The following ARL6IP5 variants were observed in gnomAD, a reference collection of about 807,000 sequenced individuals.
ARL6IP5 encodes the protein ARF like GTPase 6 interacting protein 5, also known as PRA1 family protein 3.
A neutral mutation model predicts 13.0 loss-of-function variants in ARL6IP5; 6 were observed. The ratio of observed to expected loss-of-function variants is 0.46; its 90% CI spans 0.25 to 0.91. The LOEUF (loss-of-function observed/expected upper bound fraction) is 0.91. ARL6IP5 is among the 40% of genes least tolerant of loss of function. ARL6IP5 has a pLI of 0.17. For synonymous variants in ARL6IP5, 91 were observed against 91.9 expected (o/e 0.99, Z 0.06); for missense variants, 208 against 248.8 (o/e 0.84, Z 1.10).
intron 1 of ARL6IP5, among the ~76,000 whole-genome samples, chr3:69,086,722 CTTTTTTTT>C (rs1207661746): frequency 3.0e-5 from 4 of 132,446 alleles, no homozygotes; most frequent in Non-Finnish European, 6.5e-5. Flanking sequence ...TAAAAAATTT[CTTTTTTTT>C]TTTTTTTTTT....
At chr3:69,102,416 C>A (rs560960608) in intron 2 of ARL6IP5, among the ~76,000 whole-genome samples, 1 of 152,246 alleles carries the variant, frequency 6.6e-6, no homozygotes, top group Non-Finnish European at 1.5e-5. Flanking sequence ...CAGGTGCACA[C>A]CCAGCTAATT....
Position 69,104,503 on chromosome 3 carries a change from A to G in ARL6IP5, c.434A>G (p.Lys145Arg). The G allele has an allele frequency of 6.2e-7, 1 of 1,614,070 alleles. No individual in the cohort carries two copies. Among genetic ancestry groups the G allele is most frequent in the Non-Finnish European group, 8.5e-7 (1 of 1,179,940 alleles). The change falls in exon 3 of 3, where the codon AAG becomes AGG. Residue 145 changes from lysine to arginine, a missense_variant. By Grantham distance (26) the Lys-to-Arg change is conservative. Coordinates refer to ENST00000273258, the MANE Select transcript of ARL6IP5 (RefSeq NM_006407.4). ...GCATCGTTGAGACTTCGGAACCTCAAGAACAAACTGGAGAATAAAATGGAA... is the reference window on the plus strand; with the variant it reads ...GCATCGTTGAGACTTCGGAACCTCAGGAACAAACTGGAGAATAAAATGGAA... ...IHASLRLRNLKNKLENKMEGI... is the reference protein window; with the variant it reads ...IHASLRLRNLRNKLENKMEGI...
In ARL6IP5 at chr3:69,101,850, C is replaced by G. The variant is rs1351979718; in HGVS notation, c.188C>G (p.Pro63Arg). ...TCCTCATATTTCAGGTTTCTGAGTC[C>G]CTTCAACATGATCCTGGGAGGAATC... Reference protein sequence around the residue: ...MMISIVGFLSPFNMILGGIVV... With the variant: ...MMISIVGFLSRFNMILGGIVV... The change falls in exon 2 of 3, where the codon CCC becomes CGC. Residue 63 changes from proline (P) to arginine (R), a missense_variant. Transcript: ENST00000273258. The G allele has an allele frequency of 6.2e-7, 1 of 1,613,196 alleles. No homozygotes were observed.
rs138628240 is a variant in ARL6IP5, at chr3:69,092,431, G to A, written c.176+7208G>A. Among the ~76,000 whole-genome samples the A allele has an allele frequency of 3.3e-5, 5 of 152,248 alleles. No individual in the cohort carries two copies. In the East Asian group the frequency reaches 9.6e-4, roughly 29 times the overall value. ...GTCCAGCCCCTGTCTTCTCTCCACA[G>A]CTCTGTAAGAATTTGCCATGTGACA... On this transcript the variant is annotated intron_variant, in intron 1 of 2. Transcript: ENST00000273258.
At chr3:69,095,644 G>A (rs914024148) in intron 1 of ARL6IP5, among the ~76,000 whole-genome samples, 4 of 151,920 alleles carry the variant, frequency 2.6e-5, no homozygotes, top group African/African-American at 9.7e-5. Context: ...ACAGGCATGC[G>A]CCACCACGCC....
At position 69,087,479 on chromosome 3, in the gene ARL6IP5, T is replaced by TA. The variant is rs770055656; in HGVS notation, c.176+2270dup. ...GCAAAGTTTGACACAGACCAATAAT[T>TA]AAAAAAAAAAAAAAGTCTATTTTCT... On this transcript the variant is annotated intron_variant, in intron 1 of 2. Transcript: ENST00000273258. Among the ~76,000 whole-genome samples the TA allele has an allele frequency of 8.9e-3, 1,261 of 141,462 alleles. 7 individuals are homozygous for TA. Among genetic ancestry groups the TA allele is most frequent in the African/African-American group, 0.014 (554 of 38,736 alleles). The allele number at this position is 141,462 out of a possible 152,430, so 92.8% of individuals were successfully genotyped here.
intron 2 of ARL6IP5, among the ~76,000 whole-genome samples, chr3:69,103,508 G>A (rs909031277): frequency 6.6e-6 from 1 of 152,220 alleles, no homozygotes; most frequent in South Asian, 2.1e-4. Context: ...TGGGTCAACA[G>A]TGGTACCCAA....
At position 69,099,129 on chromosome 3, in the gene ARL6IP5, CG is replaced by C. The variant is rs879666722; in HGVS notation, c.177-2702del. 3.0e-3 allele frequency among the ~76,000 whole-genome samples: 53 copies of C among 17,636 alleles called. 2 individuals are homozygous for C. The East Asian group carries it at 0.03, about 10-fold the overall frequency. The allele number at this position is 17,636 out of a possible 152,430, so 11.6% of individuals were successfully genotyped here. A position where few individuals can be genotyped will look rare whatever the true frequency, so the allele number is the denominator to read the frequency against. Reference sequence around the variant, plus strand: ...AATAGCACTTTGGGAGGCTGAGGGGCGGGGGGGGTGGGGGGTGGATCACATG... The same window carrying C: ...AATAGCACTTTGGGAGGCTGAGGGGCGGGGGGGTGGGGGGTGGATCACATG... On this transcript the variant is annotated intron_variant, in intron 1 of 2. Transcript: ENST00000273258.
intron 2 of ARL6IP5, chr3:69,102,350 C>T (rs9856591): frequency 0.56 from 220,567 of 394,944 alleles, 62,468 homozygotes; most frequent in African/African-American, 0.68. Flanking sequence ...CTGTCACCCA[C>T]GCTGTGGTGT....
intron 1 of ARL6IP5, among the ~76,000 whole-genome samples, chr3:69,091,090 T>C (rs376685866): frequency 1.3e-5 from 2 of 152,024 alleles, no homozygotes; most frequent in African/African-American, 4.8e-5. Context: ...CCCAGCTACT[T>C]GGGAGGCTGA....
At chr3:69,102,451 G>A (rs574565483) in intron 2 of ARL6IP5, among the ~76,000 whole-genome samples, 1 of 152,168 alleles carries the variant, frequency 6.6e-6, no homozygotes, top group South Asian at 2.1e-4. Flanking sequence ...TAGAGACCGG[G>A]GTTTTACTAT....
At chr3:69,085,328 G>A (rs1280609964) in intron 1 of ARL6IP5, 105 bp downstream of exon 1, 4 of 1,377,200 alleles carry the variant, frequency 2.9e-6, no homozygotes, top group East Asian at 4.7e-5. Flanking sequence ...CACGCTCAGC[G>A]CCTGCCCTGG....
At position 69,105,178 on chromosome 3, in the gene ARL6IP5, G is replaced by A; in HGVS notation, c.*542G>A. On this transcript the variant is annotated 3_prime_UTR_variant, in exon 3 of 3. Coordinates refer to ENST00000273258, the MANE Select transcript of ARL6IP5 (RefSeq NM_006407.4). ...TGTGCAGTGGAAACTGGTTAAGCCAGTTGTTCATACTTCCTTTACAAATAT... is the reference window on the plus strand; with the variant it reads ...TGTGCAGTGGAAACTGGTTAAGCCAATTGTTCATACTTCCTTTACAAATAT... 1 of 317,028 alleles carries A rather than the reference G, an allele frequency of 3.2e-6. No homozygotes were observed. Among genetic ancestry groups the A allele is most frequent in the South Asian group, 6.3e-5 (1 of 15,936 alleles). The allele number at this position is 317,028 out of a possible 1,614,324, so 19.6% of individuals were successfully genotyped here. A position where few individuals can be genotyped will look rare whatever the true frequency, so the allele number is the denominator to read the frequency against.
At chr3:69,101,119 T>C (rs757343067) in intron 1 of ARL6IP5, among the ~76,000 whole-genome samples, 4 of 152,160 alleles carry the variant, frequency 2.6e-5, no homozygotes, top group African/African-American at 9.7e-5. Context: ...GCCTGTATTC[T>C]ACATTCGTCC....
rs1167023034 is a variant in ARL6IP5, at chr3:69,105,693, T to C, written c.*1057T>C. On this transcript the variant is annotated 3_prime_UTR_variant, in exon 3 of 3. Coordinates refer to ENST00000273258, the MANE Select transcript of ARL6IP5 (RefSeq NM_006407.4). ...CAATTGTTACAACCATATGCCTTTA[T>C]AGCTAGACATTAGAATTATGATAGC... 1 of 152,238 alleles carries C rather than the reference T, an allele frequency of 6.6e-6. No individual in the cohort carries two copies. Among genetic ancestry groups the C allele is most frequent in the Non-Finnish European group, 1.5e-5 (1 of 68,036 alleles). The allele number at this position is 152,238 out of a possible 1,614,324, so 9.4% of individuals were successfully genotyped here. A position where few individuals can be genotyped will look rare whatever the true frequency, so the allele number is the denominator to read the frequency against.
In ARL6IP5 at chr3:69,105,143, A is replaced by G. The variant is rs2092318734; in HGVS notation, c.*507A>G. ...CAAAGATGATCTCTATCACTTTGCCACCTGTTTGATGTGCAGTGGAAACTG... is the reference window on the plus strand; with the variant it reads ...CAAAGATGATCTCTATCACTTTGCCGCCTGTTTGATGTGCAGTGGAAACTG... On this transcript the variant is annotated 3_prime_UTR_variant, in exon 3 of 3. Transcript: ENST00000273258. 2 of 408,146 alleles carry G rather than the reference A, an allele frequency of 4.9e-6. No homozygotes were observed. The highest frequency in any genetic ancestry group is 8.8e-6 in the Non-Finnish European group (2 of 228,432). 25.3% of individuals were successfully genotyped at this position (408,146 alleles called of 1,614,324 possible). A position where few individuals can be genotyped will look rare whatever the true frequency, so the allele number is the denominator to read the frequency against.
chr3:69,096,900 C>T (rs567866811), intron 1 of ARL6IP5, among the ~76,000 whole-genome samples: 3 of 152,076 alleles, frequency 2.0e-5, no homozygotes, highest in African/African-American at 7.2e-5. Context: ...CTGTACCTGG[C>T]GATCTTTGTT....
intron 1 of ARL6IP5, among the ~76,000 whole-genome samples, chr3:69,098,937 A>G (rs1203657164): frequency 1.3e-5 from 2 of 152,074 alleles, no homozygotes; most frequent in South Asian, 4.1e-4. Context: ...TTACAACTCA[A>G]TCTTTGCGTT....
chr3:69,093,747 G>T lies in ARL6IP5; in HGVS notation c.177-8092G>T, dbSNP rs9873964. ...ACTGCACTTCAGCCTGCCGACAGAG[G>T]GAGATTCTGTCTCAAAAAAAAAAAA... is the stretch of plus-strand genomic sequence containing the variant. On this transcript the variant is annotated intron_variant, in intron 1 of 2. Transcript: ENST00000273258. Among the ~76,000 whole-genome samples the T allele has an allele frequency of 3.4e-5, 5 of 148,696 alleles. No homozygotes were observed. In the South Asian group the frequency reaches 6.3e-4, roughly 19 times the overall value.
Sources: allele counts gnomAD v4.1 joint callset (sites outside exome capture counted in the v4.1 genomes callset), GRCh38; gene constraint gnomAD v4.1.1; transcripts MANE v1.5; gene names NCBI Gene and HGNC (gene_info 2026-07-23, HGNC 2026-07-21).